Variants in DNM3 observed in about 807,000 individuals in gnomAD.
DNM3 encodes the protein dynamin 3.
In DNM3, 47 loss-of-function variants were observed where a neutral mutation model predicts 101.6. The observed-to-expected ratio is 0.46, with a 90% CI of 0.37 to 0.59. The LOEUF (loss-of-function observed/expected upper bound fraction) is 0.59, where lower values mean the gene tolerates loss of function less well. Among genes scored for constraint, DNM3 ranks in the 20% least tolerant of loss-of-function variants. The pLI, the probability that DNM3 is intolerant of heterozygous loss-of-function variation, is 0.00. For synonymous variants in DNM3, 385 were observed against 387.9 expected, an observed-to-expected ratio of 0.99 and a Z score of 0.09; for missense variants, 849 against 1,085.7, an observed-to-expected ratio of 0.78 and a Z score of 3.06.
chr1:171,841,916 A>C lies in DNM3; in HGVS notation c.161+99A>C. 8.9e-6 allele frequency: 10 copies of C among 1,120,104 alleles called. No homozygotes were observed. The Admixed American group carries it at 1.2e-4, about 13-fold the overall frequency. The allele number at this position is 1,120,104 out of a possible 1,614,324, so 69.4% of individuals were successfully genotyped here. On this transcript the variant is annotated intron_variant, in intron 1 of 20. Transcript: ENST00000627582. ...GCAGCGGGAGCCAGAGGGTGGATGG[A>C]CCAGGCGCTGCGGTGGAATGGGGGG...
intron 10 of DNM3, among the ~76,000 whole-genome samples, chr1:172,056,413 G>T (rs1420028857): frequency 2.6e-5 from 4 of 152,342 alleles, no homozygotes; most frequent in African/African-American, 9.6e-5. Context: ...GAAAAAGACA[G>T]CAGTAACCTC....
At chr1:171,997,144 A>G (rs1048486816) in intron 4 of DNM3, among the ~76,000 whole-genome samples, 4 of 152,182 alleles carry the variant, frequency 2.6e-5, no homozygotes, top group Non-Finnish European at 5.9e-5. Context: ...TATTTGTTGT[A>G]TAGAACTTAT....
chr1:172,096,653 A>G (rs906925877), intron 13 of DNM3, among the ~76,000 whole-genome samples: 17 of 152,220 alleles, frequency 1.1e-4, no homozygotes, highest in Admixed American at 2.6e-4. Flanking sequence ...ATCCAGAGTC[A>G]TGAAAGTTAG....
intron 14 of DNM3, among the ~76,000 whole-genome samples, chr1:172,236,944 A>G (rs892427037): frequency 4.2e-4 from 64 of 151,978 alleles, no homozygotes; most frequent in African/African-American, 1.5e-3. Flanking sequence ...CTCTTCCTCT[A>G]TCTCACTCAT....
intron 14 of DNM3, among the ~76,000 whole-genome samples, chr1:172,176,652 A>C (rs934363401): frequency 3.3e-5 from 5 of 151,864 alleles, no homozygotes; most frequent in Admixed American, 2.6e-4. Context: ...TGACCCACAG[A>C]AATGTAAGAT....
chr1:172,295,013 G>T (rs770798909), intron 15 of DNM3, among the ~76,000 whole-genome samples: 18 of 151,994 alleles, frequency 1.2e-4, no homozygotes, highest in Middle Eastern at 6.8e-3. Context: ...AACAAAGATG[G>T]AAATCCTCAA....
At chr1:172,189,955 A>C (rs630656) in intron 14 of DNM3, among the ~76,000 whole-genome samples, 84,166 of 151,128 alleles carry the variant, frequency 0.56, 25,158 homozygotes, top group African/African-American at 0.78. Flanking sequence ...GGGTTCCATC[A>C]CCATAATCAA....
In DNM3 at chr1:171,946,725, C is replaced by T. The variant is rs570199175; in HGVS notation, c.235+24904C>T. On this transcript the variant is annotated intron_variant, in intron 2 of 20. Transcript: ENST00000627582. Reference sequence around the variant, plus strand: ...TGTACAAGAAGCATGGTGTCAGCAACTGCTTCTGATGAGACCCTTAGAAAG... The same window carrying T: ...TGTACAAGAAGCATGGTGTCAGCAATTGCTTCTGATGAGACCCTTAGAAAG... 2.6e-5 allele frequency among the ~76,000 whole-genome samples: 4 copies of T among 152,258 alleles called. No homozygotes were observed. In the South Asian group the frequency reaches 6.2e-4, roughly 24 times the overall value.
chr1:172,160,109 C>T (rs1044434991), intron 14 of DNM3, among the ~76,000 whole-genome samples: 5 of 151,254 alleles, frequency 3.3e-5, no homozygotes, highest in South Asian at 4.2e-4. Flanking sequence ...TACTATCAAC[C>T]GAGCTTTCAG....
At chr1:172,111,630 C>T (rs188808033) in intron 13 of DNM3, among the ~76,000 whole-genome samples, 7 of 152,218 alleles carry the variant, frequency 4.6e-5, no homozygotes, top group Admixed American at 3.3e-4. Context: ...ATGCTTTGAA[C>T]GAATAAGCTG....
intron 20 of DNM3, among the ~76,000 whole-genome samples, chr1:172,396,635 T>C (rs770960730): frequency 3.3e-5 from 5 of 152,226 alleles, no homozygotes; most frequent in African/African-American, 4.8e-5. Flanking sequence ...GAGAAGGCAT[T>C]ATGCTGCTTT....
intron 11 of DNM3, among the ~76,000 whole-genome samples, chr1:172,074,921 C>T (rs1030951219): frequency 6.6e-6 from 1 of 152,222 alleles, no homozygotes; most frequent in African/African-American, 2.4e-5. Context: ...AACTAATTTA[C>T]ACTCCCAACA....
intron 11 of DNM3, among the ~76,000 whole-genome samples, chr1:172,081,008 C>T (rs1419091672): frequency 2.6e-5 from 4 of 152,178 alleles, no homozygotes; most frequent in African/African-American, 7.2e-5. Context: ...GTTGGAAATG[C>T]AGAAATCACC....
chr1:172,263,966 G>A (rs1323243165), intron 15 of DNM3, among the ~76,000 whole-genome samples: 1 of 152,170 alleles, frequency 6.6e-6, no homozygotes, highest in Non-Finnish European at 1.5e-5. Context: ...TGAAATTAAT[G>A]AGTTATAGTG....
intron 12 of DNM3, among the ~76,000 whole-genome samples, chr1:172,086,150 C>T (rs1426902741): frequency 2.0e-5 from 3 of 152,176 alleles, no homozygotes; most frequent in Non-Finnish European, 2.9e-5. Context: ...TTATTTTAAA[C>T]TTCATCTTCA....
At chr1:172,243,498 C>T (rs567778311) in intron 14 of DNM3, among the ~76,000 whole-genome samples, 1 of 152,232 alleles carries the variant, frequency 6.6e-6, no homozygotes, top group South Asian at 2.1e-4. Context: ...AGGAAGAGAG[C>T]AGGATCTCCA....
intron 4 of DNM3, among the ~76,000 whole-genome samples, chr1:172,027,932 T>C (rs182657873): frequency 5.1e-4 from 77 of 152,258 alleles, no homozygotes; most frequent in Admixed American, 9.8e-4. Flanking sequence ...AGCAAGTTCC[T>C]AGAGACCTAC....
chr1:171,873,771 A>T (rs1412923742), intron 1 of DNM3, among the ~76,000 whole-genome samples: 7 of 152,236 alleles, frequency 4.6e-5, no homozygotes, highest in Non-Finnish European at 1.0e-4. Context: ...CCACGAAGTA[A>T]GAAAATACTG....
At chr1:172,042,699 G>A (rs1572222232) in intron 8 of DNM3, among the ~76,000 whole-genome samples, 1 of 152,068 alleles carries the variant, frequency 6.6e-6, no homozygotes, top group South Asian at 2.1e-4. Context: ...TAGCAACCTC[G>A]GGTAAGGCAC....
Sources: gnomAD v4.1 joint callset for allele counts (sites outside exome capture counted in the v4.1 genomes callset) on GRCh38, gnomAD v4.1.1 for gene constraint, MANE v1.5 for transcripts, NCBI Gene and HGNC (gene_info 2026-07-23, HGNC 2026-07-21) for gene names.